Variants in KIF26B observed in about 807,000 individuals in gnomAD.
KIF26B encodes kinesin-like protein KIF26B.
In KIF26B, 63 loss-of-function variants were observed where a neutral mutation model predicts 151.2. That is an observed-to-expected ratio of 0.42 (90% confidence interval 0.34 to 0.51). The LOEUF (loss-of-function observed/expected upper bound fraction) is 0.51, where lower values mean the gene tolerates loss of function less well. Ranked by LOEUF, KIF26B falls within the 20% of genes least tolerant of loss-of-function variation. KIF26B has a pLI of 0.07. For synonymous variants in KIF26B, 1,357 were observed against 1,262.1 expected, an observed-to-expected ratio of 1.08 and a Z score of -1.59; for missense variants, 2,813 against 2,913.6, an observed-to-expected ratio of 0.97 and a Z score of 0.79.
intron 2 of KIF26B, among the ~76,000 whole-genome samples, chr1:245,161,070 C>T (rs1020601376): frequency 3.9e-5 from 6 of 152,194 alleles, no homozygotes; most frequent in African/African-American, 1.4e-4. Flanking sequence ...CTTCTAAGAA[C>T]ATGTGGCTAT....
intron 4 of KIF26B, among the ~76,000 whole-genome samples, chr1:245,485,659 C>T (rs1210681087): frequency 6.6e-6 from 1 of 152,236 alleles, no homozygotes; most frequent in Admixed American, 6.5e-5. Flanking sequence ...GCTGGGATTA[C>T]AGGCGTGAGC....
At chr1:245,594,933 G>A (rs1192420685) in intron 5 of KIF26B, among the ~76,000 whole-genome samples, 1 of 151,754 alleles carries the variant, frequency 6.6e-6, no homozygotes, top group African/African-American at 2.4e-5. Context: ...TGTAGCAATT[G>A]TGAATGGGAG....
Position 245,326,126 on chromosome 1 carries a change from T to C in KIF26B, c.466-40708T>C, listed in dbSNP as rs984991024. Among the ~76,000 whole-genome samples, 8 of 152,266 alleles carry C rather than the reference T, an allele frequency of 5.3e-5. No individual in the cohort carries two copies. In the East Asian group the frequency reaches 1.3e-3, roughly 26 times the overall value. On this transcript the variant is annotated intron_variant, in intron 2 of 14. Transcript: ENST00000407071. ...ATCGAGATTTGAGTGCATGTGACTC[T>C]TCTAAAAGTAAGGCGTGTTCTTCAC...
chr1:245,687,558 C>G lies in KIF26B; in HGVS notation c.4575C>G (p.Pro1525=), dbSNP rs1374612604. Residue 1525 remains proline, a synonymous_variant, in exon 12 of 15, where the codon CCC becomes CCG. Coordinates refer to ENST00000407071, the MANE Select transcript of KIF26B (RefSeq NM_018012.4). This position sits in a 1 kb window ranked among gnomAD's most constrained non-coding sequence, Gnocchi z 4.9. The part of the protein sequence containing the change: ...MALPGLATQS[P]VHPNKSVKSS... ...TGCCCGGTTTGGCCACCCAGAGCCC[C>G]GTGCATCCCAACAAAAGCGTCAAGT... is the stretch of plus-strand genomic sequence containing the variant. The G allele has an allele frequency of 1.3e-6, 2 of 1,565,684 alleles. No homozygotes were observed. Among genetic ancestry groups the G allele is most frequent in the African/African-American group, 1.4e-5 (1 of 73,622 alleles).
chr1:245,577,810 A>AGCTCCGGGCG (rs2043139374), intron 5 of KIF26B, among the ~76,000 whole-genome samples: 2 of 146,242 alleles, frequency 1.4e-5, no homozygotes, highest in African/African-American at 5.1e-5. Flanking sequence ...AGCTTTGTGG[A>AGCTCCGGGCG]ACTCCGGGCG....
intron 6 of KIF26B, among the ~76,000 whole-genome samples, chr1:245,604,860 A>G (rs1340680263): frequency 6.6e-6 from 1 of 152,192 alleles, no homozygotes; most frequent in Non-Finnish European, 1.5e-5. Flanking sequence ...ACATTAACAC[A>G]TTTGACTCTT....
Position 245,166,632 on chromosome 1 carries a change from T to G in KIF26B, c.465+9949T>G, listed in dbSNP as rs1668619234. ...ATGAGGGAGAGCAGATTTCCTCCAG[T>G]GACTGCGCATGCGATGTGCAGATCT... On this transcript the variant is annotated intron_variant, in intron 2 of 14. Coordinates refer to ENST00000407071, the MANE Select transcript of KIF26B (RefSeq NM_018012.4). The surrounding 1 kb of genome is among the most constrained non-coding windows in gnomAD (Gnocchi z 4.5). 6.6e-6 allele frequency among the ~76,000 whole-genome samples: 1 copy of G among 152,196 alleles called. No homozygotes were observed. The highest frequency in any genetic ancestry group is 1.5e-5 in the Non-Finnish European group (1 of 68,044).
intron 3 of KIF26B, among the ~76,000 whole-genome samples, chr1:245,411,005 T>C (rs760913778): frequency 6.6e-6 from 1 of 152,228 alleles, no homozygotes; most frequent in Non-Finnish European, 1.5e-5. Flanking sequence ...TAAAAACTCT[T>C]TTGATGAGAT....
At chr1:245,522,731 G>A (rs1661156322) in intron 4 of KIF26B, among the ~76,000 whole-genome samples, 1 of 152,170 alleles carries the variant, frequency 6.6e-6, no homozygotes, top group Non-Finnish European at 1.5e-5. Context: ...TATTCAGGAT[G>A]TCCAGGACCT....
At chr1:245,690,306 C>CT (rs2044607798) in intron 12 of KIF26B, among the ~76,000 whole-genome samples, 2 of 152,236 alleles carry the variant, frequency 1.3e-5, no homozygotes. Flanking sequence ...TTCTGTGCAA[C>CT]ACTAGGCTCT....
At chr1:245,526,768 G>T (rs1164809384) in intron 4 of KIF26B, among the ~76,000 whole-genome samples, 1 of 152,158 alleles carries the variant, frequency 6.6e-6, no homozygotes, top group Admixed American at 6.5e-5. Context: ...CCTTGATAGT[G>T]GTTTGTTGCT....
In KIF26B at chr1:245,268,480, A is replaced by AATG. The variant is rs1670790240; in HGVS notation, c.466-98352_466-98351insGAT. Reference sequence around the variant, plus strand: ...CGAGACTCCATCTCCAAATAATAATAATAATAATAATAATAATAATAATAA... The same window carrying AATG: ...CGAGACTCCATCTCCAAATAATAATAATGATAATAATAATAATAATAATAATAA... On this transcript the variant is annotated intron_variant, in intron 2 of 14. Transcript: ENST00000407071. Among the ~76,000 whole-genome samples the AATG allele has an allele frequency of 1.0e-4, 3 of 29,056 alleles. No individual in the cohort carries two copies. The East Asian group carries it at 4.8e-3, about 46-fold the overall frequency. 19.1% of individuals were successfully genotyped at this position (29,056 alleles called of 152,430 possible). A position where few individuals can be genotyped will look rare whatever the true frequency, so the allele number is the denominator to read the frequency against.
chr1:245,386,387 T>G (rs2103019784), intron 3 of KIF26B, among the ~76,000 whole-genome samples: 1 of 151,504 alleles, frequency 6.6e-6, no homozygotes, highest in South Asian at 2.1e-4. Flanking sequence ...GCTTTGTACC[T>G]TTTGAGCCCA....
At chr1:245,388,871 C>T (rs1572037264) in intron 3 of KIF26B, among the ~76,000 whole-genome samples, 1 of 152,218 alleles carries the variant, frequency 6.6e-6, no homozygotes, top group Admixed American at 6.5e-5. Flanking sequence ...GAGATTTGAA[C>T]TGTGCGCACC....
At chr1:245,192,611 A>G (rs539821989) in intron 2 of KIF26B, among the ~76,000 whole-genome samples, 122 of 152,364 alleles carry the variant, frequency 8.0e-4, no homozygotes, top group African/African-American at 2.8e-3. Context: ...TTTTTAAAAT[A>G]ATATAAACTT....
chr1:245,450,671 G>A (rs957940340), intron 4 of KIF26B, among the ~76,000 whole-genome samples: 2 of 152,166 alleles, frequency 1.3e-5, no homozygotes, highest in South Asian at 2.1e-4. Context: ...TGGGTTAGGC[G>A]TATTCTGTGG....
intron 3 of KIF26B, among the ~76,000 whole-genome samples, chr1:245,408,307 A>G (rs1674185819): frequency 6.6e-6 from 1 of 151,238 alleles, no homozygotes; most frequent in Non-Finnish European, 1.5e-5. Flanking sequence ...TATTCAAATA[A>G]TCCTAATTAT....
chr1:245,532,248 C>CTTTTTTTTTTTTTTTTTTT (rs74163062), intron 4 of KIF26B, among the ~76,000 whole-genome samples: 1 of 121,484 alleles, frequency 8.2e-6, no homozygotes, highest in African/African-American at 3.3e-5. Context: ...CTTTTCTTTT[C>CTTTTTTTTTTTTTTTTTTT]TTTTTTTTTT....
At chr1:245,285,157 G>T (rs1671143268) in intron 2 of KIF26B, among the ~76,000 whole-genome samples, 1 of 152,248 alleles carries the variant, frequency 6.6e-6, no homozygotes, top group Non-Finnish European at 1.5e-5. Context: ...CCCGCTGTGG[G>T]CTGGGTTCAG....
Sources: gnomAD v4.1 joint callset for allele counts (sites outside exome capture counted in the v4.1 genomes callset) on GRCh38, gnomAD v4.1.1 for gene constraint, Gnocchi (gnomAD v3.1) non-coding constraint, MANE v1.5 for transcripts, NCBI Gene and HGNC (gene_info 2026-07-23, HGNC 2026-07-21) for gene names.